DOCK9: variants seen among roughly 807,000 people sequenced by gnomAD.
DOCK9 encodes dedicator of cytokinesis 9.
DOCK9 carries 89 observed loss-of-function variants against 263.3 expected under a neutral mutation model. That is an observed-to-expected ratio of 0.34 (90% CI 0.28 to 0.40). The LOEUF (loss-of-function observed/expected upper bound fraction) is 0.40. DOCK9 is among the 10% of genes least tolerant of loss of function. The pLI, the probability that DOCK9 is intolerant of heterozygous loss-of-function variation, is 1.00. For missense variants in DOCK9, 2,140 were observed against 2,603.4 expected (o/e 0.82, Z 3.87); for synonymous variants, 976 against 973.1 (o/e 1.00, Z -0.06).
intron 1 of DOCK9, among the ~76,000 whole-genome samples, chr13:99,075,139 T>C (rs948859258): frequency 3.3e-5 from 5 of 152,178 alleles, no homozygotes; most frequent in Non-Finnish European, 5.9e-5. Flanking sequence ...TCATTTACAG[T>C]AGTAAATGAT....
intron 32 of DOCK9, among the ~76,000 whole-genome samples, chr13:98,861,959 C>T (rs577419335): frequency 1.3e-5 from 2 of 152,298 alleles, no homozygotes; most frequent in South Asian, 2.1e-4. Flanking sequence ...CTTTCTTAGA[C>T]TGTGCAGCAC....
chr13:98,888,455 T>C lies in DOCK9; in HGVS notation c.1882A>G (p.Ile628Val). 6.2e-7 allele frequency: 1 copy of C among 1,613,584 alleles called. No individual in the cohort carries two copies. The change falls in exon 17 of 53, where the codon ATA becomes GTA. Residue 628 changes from isoleucine to valine, a missense_variant. Ile to Val is a conservative substitution (Grantham distance 29, BLOSUM62 3). Around this residue, in one of 2 missense-constraint regions of DOCK9, gnomAD observed 1,521 missense variants for 1,741.7 expected, o/e 0.87. Transcript: ENST00000682017. ...TFEVEEFVPC[I>V]PKHTQPYTIY... ...GTGTAAGGCTGAGTGTGTTTTGGTA[T>C]GCAGGGCACAAATTCCTCCACTTCA...
Position 98,919,170 on chromosome 13 carries a change from C to G in DOCK9, c.717+1784G>C, listed in dbSNP as rs150564958. On this transcript the variant is annotated intron_variant, in intron 7 of 52. Coordinates refer to ENST00000682017, the MANE Select transcript of DOCK9 (RefSeq NM_001366683.2). ...TGTCACCCAGGCTAGAGTGCAATGG[C>G]GCAATCTCAGCTCACTGCAACCTCC... Among the ~76,000 whole-genome samples, 851 of 150,588 alleles carry G rather than the reference C, an allele frequency of 5.7e-3. 4 individuals are homozygous for G. Among genetic ancestry groups the G allele is most frequent in the Non-Finnish European group, 8.8e-3 (594 of 67,822 alleles).
At chr13:98,805,825 G>A (rs575829656) in intron 48 of DOCK9, among the ~76,000 whole-genome samples, 11 of 152,100 alleles carry the variant, frequency 7.2e-5, no homozygotes, top group Middle Eastern at 3.4e-3. Context: ...GCAATGGCGC[G>A]ATCTCAGCTA....
At position 98,829,137 on chromosome 13, in the gene DOCK9, A is replaced by G. The variant is rs1482958846; in HGVS notation, c.4965+170T>C. 6.6e-6 allele frequency among the ~76,000 whole-genome samples: 1 copy of G among 152,198 alleles called. No homozygotes were observed. Among genetic ancestry groups the G allele is most frequent in the East Asian group, 1.9e-4 (1 of 5,200 alleles). On this transcript the variant is annotated intron_variant, in intron 43 of 52. Coordinates refer to ENST00000682017, the MANE Select transcript of DOCK9 (RefSeq NM_001366683.2). The surrounding 1 kb of genome is among the most constrained non-coding windows in gnomAD (Gnocchi z 4.1). ...TTACAATTTGTTTTAAATTATTAAA[A>G]TGCTCAGCTAACTATGAAGTCACCC...
intron 1 of DOCK9, among the ~76,000 whole-genome samples, chr13:98,993,706 A>C (rs944323771): frequency 3.9e-5 from 6 of 152,358 alleles, no homozygotes; most frequent in Admixed American, 1.3e-4. Context: ...GCGTCACTGC[A>C]CTCCAGCATG....
At chr13:98,980,378 T>G (rs1876893960), upstream of DOCK9, among the ~76,000 whole-genome samples, 1 of 152,276 alleles carries the variant, frequency 6.6e-6, no homozygotes. Context: ...ATGAGGAAAC[T>G]GATGCCCAGA....
At position 98,829,715 on chromosome 13, in the gene DOCK9, G is replaced by T; in HGVS notation, c.4677C>A (p.Gly1559=). ...ACTGCTGGAATCTGGTTCCCCCAAT[G>T]CCAACAACGTCTGCTATCAGCTGGC... ...SVSQLIADVV[G]IGGTRFQQSL... The change falls in exon 42 of 53, where the codon GGC becomes GGA. Residue 1559 remains glycine (G), a synonymous_variant. Transcript: ENST00000682017. This position sits in a 1 kb window ranked among gnomAD's most constrained non-coding sequence, Gnocchi z 4.1. 6.2e-7 allele frequency: 1 copy of T among 1,610,508 alleles called. No homozygotes were observed. The highest frequency in any genetic ancestry group is 1.1e-5 in the South Asian group (1 of 89,908).
At position 98,939,781 on chromosome 13, in the gene DOCK9, G is replaced by A. The variant is rs117829726; in HGVS notation, c.244-9524C>T. On this transcript the variant is annotated intron_variant, in intron 2 of 52. Coordinates refer to ENST00000682017, the MANE Select transcript of DOCK9 (RefSeq NM_001366683.2). Reference sequence around the variant, plus strand: ...GCTGGGCCAAATGGAGAGCATCCACGTCCATGTTCCAAAGTTATCTCTGAT... The same window carrying A: ...GCTGGGCCAAATGGAGAGCATCCACATCCATGTTCCAAAGTTATCTCTGAT... Among the ~76,000 whole-genome samples the A allele has an allele frequency of 5.1e-3, 774 of 152,266 alleles. 19 individuals carry two copies. Among genetic ancestry groups the A allele is most frequent in the East Asian group, 0.026 (136 of 5,174 alleles).
At chr13:98,884,422 T>C (rs1206576312) in intron 21 of DOCK9, among the ~76,000 whole-genome samples, 1 of 152,226 alleles carries the variant, frequency 6.6e-6, no homozygotes, top group Non-Finnish European at 1.5e-5. Context: ...ATCATTTAAA[T>C]GCAGACAAAC....
chr13:99,015,110 G>A (rs1487313618), intron 1 of DOCK9, among the ~76,000 whole-genome samples: 1 of 152,162 alleles, frequency 6.6e-6, no homozygotes, highest in African/African-American at 2.4e-5. Context: ...CTGGGAGACG[G>A]TTCACATATA....
chr13:98,929,482 T>G (rs901974252), intron 3 of DOCK9, among the ~76,000 whole-genome samples: 3 of 152,036 alleles, frequency 2.0e-5, no homozygotes, highest in Non-Finnish European at 4.4e-5. Context: ...GAGGCAGAGG[T>G]TGCAGTGAGC....
intron 1 of DOCK9, among the ~76,000 whole-genome samples, chr13:98,988,114 A>G (rs1473571744): frequency 6.6e-6 from 1 of 152,172 alleles, no homozygotes; most frequent in African/African-American, 2.4e-5. Flanking sequence ...AAAAATTTTT[A>G]AGTTATTTAT....
chr13:99,010,039 G>C (rs1351009559), intron 1 of DOCK9, among the ~76,000 whole-genome samples: 1 of 151,742 alleles, frequency 6.6e-6, no homozygotes, highest in African/African-American at 2.4e-5. Context: ...ATTTACAATG[G>C]GTAAAATTAC....
intron 1 of DOCK9, among the ~76,000 whole-genome samples, chr13:99,036,205 A>G (rs1887860262): frequency 6.6e-6 from 1 of 152,120 alleles, no homozygotes; most frequent in South Asian, 2.1e-4. Context: ...TACTGTTACA[A>G]ACGGAATATT....
intron 18 of DOCK9, 137 bp downstream of exon 18, chr13:98,888,021 A>G (rs1373641020): frequency 4.0e-5 from 25 of 629,496 alleles, no homozygotes; most frequent in Non-Finnish European, 5.7e-5. Context: ...ATGTTTATAC[A>G]TTGTAACATT....
rs1566899726 is a variant in DOCK9 at position 98,898,224 on chromosome 13, C to T, written c.1541G>A (p.Cys514Tyr). Residue 514 changes from cysteine to tyrosine, a missense_variant, in exon 14 of 53, where the codon TGC becomes TAC. Transcript: ENST00000682017. ...QKVLKNAKQACQRLGQYRMPF... is the reference protein window; with the variant it reads ...QKVLKNAKQAYQRLGQYRMPF... ...CATTCTATACTGTCCTAGTCTTTGG[C>T]ATGCCTGCTTGGCATTCTTCAGCAC... The T allele has an allele frequency of 6.2e-7, 1 of 1,612,158 alleles. No homozygotes were observed. The highest frequency in any genetic ancestry group is 1.1e-5 in the South Asian group (1 of 90,544).
rs750751006 is a variant in DOCK9, at chr13:98,794,630, A to T, written c.6275T>A (p.Val2092Glu). 6.3e-6 allele frequency: 10 copies of T among 1,591,524 alleles called. No individual in the cohort carries two copies. The highest frequency in any genetic ancestry group is 8.6e-6 in the Non-Finnish European group (10 of 1,168,750). Residue 2092 changes from valine (V) to glutamate (E), a missense_variant, in exon 53 of 53, where the codon GTG becomes GAG. By Grantham distance (121) the Val-to-Glu change is moderately radical (BLOSUM62 -2). This residue lies in a region of DOCK9 where 619 missense variants were observed against 861.8 expected (regional missense o/e 0.72). Transcript: ENST00000682017. ...CACACGGGCCATGAGATGTAATCAC[A>T]CGACCGAAGACGAGCTGGTCATCCC... ...VHGMTSSSSV[V>E] is the part of the protein sequence containing the mutation.
intron 9 of DOCK9, among the ~76,000 whole-genome samples, chr13:98,913,111 C>T (rs1286745335): frequency 3.3e-5 from 5 of 152,184 alleles, no homozygotes; most frequent in Non-Finnish European, 7.3e-5. Context: ...AAACAATGCT[C>T]TAAAGCCCTA....
Sources: gnomAD v4.1 joint callset for allele counts (sites outside exome capture counted in the v4.1 genomes callset) on GRCh38, gnomAD v4.1.1 for gene constraint, gnomAD v4.1.1 regional missense constraint, Gnocchi (gnomAD v3.1) non-coding constraint, MANE v1.5 for transcripts, NCBI Gene and HGNC (gene_info 2026-07-23, HGNC 2026-07-21) for gene names.